Variants in SCFD2 observed in about 807,000 individuals in gnomAD.
SCFD2 encodes sec1 family domain-containing protein 2.
In SCFD2, 54 loss-of-function variants were observed where a neutral mutation model predicts 58.9. That is an observed-to-expected ratio of 0.92 (90% CI 0.74 to 1.15). The LOEUF (loss-of-function observed/expected upper bound fraction) is 1.15. Ranked by LOEUF, SCFD2 falls within the 50% of genes most tolerant of loss-of-function variation. The pLI, the probability that SCFD2 is intolerant of heterozygous loss-of-function variation, is 0.00. For synonymous variants in SCFD2, 321 were observed against 335.9 expected (o/e 0.96, Z 0.49); for missense variants, 805 against 836.6 (o/e 0.96, Z 0.47).
intron 5 of SCFD2, among the ~76,000 whole-genome samples, chr4:53,080,950 TA>T (rs1724129501): frequency 6.6e-6 from 1 of 152,188 alleles, no homozygotes; most frequent in Non-Finnish European, 1.5e-5. Context: ...TCTCAGATGT[TA>T]AAATTGGAAA....
chr4:53,176,561 T>A (rs1727336340), intron 4 of SCFD2, among the ~76,000 whole-genome samples: 1 of 152,214 alleles, frequency 6.6e-6, no homozygotes, highest in African/African-American at 2.4e-5. Flanking sequence ...AAGGAATAAC[T>A]ACCATGCTAA....
chr4:53,351,709 A>G (rs1332773562), intron 2 of SCFD2, among the ~76,000 whole-genome samples: 1 of 152,190 alleles, frequency 6.6e-6, no homozygotes, highest in Non-Finnish European at 1.5e-5. Flanking sequence ...AATGGACAAA[A>G]GTCTAGAACT....
At chr4:53,050,530 C>G (rs1277885995) in intron 5 of SCFD2, among the ~76,000 whole-genome samples, 1 of 152,152 alleles carries the variant, frequency 6.6e-6, no homozygotes, top group African/African-American at 2.4e-5. Flanking sequence ...CCCCTTGAAG[C>G]TGGAGAGTTT....
chr4:53,251,626 A>C (rs371621992), intron 4 of SCFD2, among the ~76,000 whole-genome samples: 89 of 152,218 alleles, frequency 5.8e-4, no homozygotes, highest in African/African-American at 1.6e-3. Flanking sequence ...GAACCAAAGA[A>C]AAAAACCACA....
intron 2 of SCFD2, among the ~76,000 whole-genome samples, chr4:53,318,049 T>A (rs1732916676): frequency 6.6e-6 from 1 of 152,198 alleles, no homozygotes; most frequent in South Asian, 2.1e-4. Context: ...ACAATCACTG[T>A]CAGCGACTTC....
chr4:53,087,450 C>T (rs1446739596), intron 5 of SCFD2, among the ~76,000 whole-genome samples: 1 of 152,160 alleles, frequency 6.6e-6, no homozygotes, highest in African/African-American at 2.4e-5. Flanking sequence ...TCTCCTGCCT[C>T]AGCCTCCCAA....
At chr4:53,090,650 A>G (rs1724442594) in intron 5 of SCFD2, among the ~76,000 whole-genome samples, 1 of 152,198 alleles carries the variant, frequency 6.6e-6, no homozygotes, top group African/African-American at 2.4e-5. Context: ...GTAACCATTC[A>G]TTCACTTATT....
chr4:53,321,319 C>T (rs1203674681), intron 2 of SCFD2, among the ~76,000 whole-genome samples: 1 of 151,978 alleles, frequency 6.6e-6, no homozygotes, highest in African/African-American at 2.4e-5. Flanking sequence ...TAGAAACTAA[C>T]AGGAAATATT....
At chr4:53,277,257 G>T (rs2149072634) in intron 3 of SCFD2, among the ~76,000 whole-genome samples, 1 of 152,248 alleles carries the variant, frequency 6.6e-6, no homozygotes, top group Non-Finnish European at 1.5e-5. Context: ...TTGTGCAAAT[G>T]ATTAACATTT....
At chr4:53,269,112 G>A (rs1275365996) in intron 4 of SCFD2, among the ~76,000 whole-genome samples, 1 of 152,014 alleles carries the variant, frequency 6.6e-6, no homozygotes, top group Admixed American at 6.6e-5. Flanking sequence ...TTGAGTCCAG[G>A]AGTTTGAGAC....
intron 5 of SCFD2, 121 bp downstream of exon 5, chr4:53,145,212 C>G: frequency 2.4e-6 from 3 of 1,241,580 alleles, no homozygotes; most frequent in South Asian, 1.4e-5. Context: ...CATCAGGCCT[C>G]ATGAAATTCC....
At chr4:53,313,193 A>G in intron 3 of SCFD2, among the ~76,000 whole-genome samples, 1 of 152,222 alleles carries the variant, frequency 6.6e-6, no homozygotes, top group East Asian at 1.9e-4. Context: ...GTGAGGGACT[A>G]GGCCAGACCA....
chr4:52,986,221 A>G lies in SCFD2; in HGVS notation c.1562-65351T>C, dbSNP rs1721488631. On this transcript the variant is annotated intron_variant, in intron 5 of 8. Transcript: ENST00000401642. Reference sequence around the variant, plus strand: ...CCCTGAGCAATTTAGAGGGGAAAAAAGGGTAAAGTTTTTTTTTTAATAGTC... The same window carrying G: ...CCCTGAGCAATTTAGAGGGGAAAAAGGGGTAAAGTTTTTTTTTTAATAGTC... 5.0e-5 allele frequency among the ~76,000 whole-genome samples: 3 copies of G among 60,466 alleles called. No homozygotes were observed. The South Asian group carries it at 1.8e-3, about 37-fold the overall frequency. 39.7% of individuals were successfully genotyped at this position (60,466 alleles called of 152,430 possible). A position where few individuals can be genotyped will look rare whatever the true frequency, so the allele number is the denominator to read the frequency against.
chr4:53,222,822 T>C (rs1729087648), intron 4 of SCFD2, among the ~76,000 whole-genome samples: 1 of 152,218 alleles, frequency 6.6e-6, no homozygotes, highest in Non-Finnish European at 1.5e-5. Context: ...TCCTATCTGG[T>C]TACTGTTATC....
At chr4:52,924,992 G>A (rs570931292) in intron 5 of SCFD2, among the ~76,000 whole-genome samples, 114 of 152,142 alleles carry the variant, frequency 7.5e-4, no homozygotes, top group African/African-American at 2.6e-3. Context: ...GTATATAAGC[G>A]CCAGTTGCTC....
chr4:53,011,118 T>C (rs1192837422), intron 5 of SCFD2, among the ~76,000 whole-genome samples: 1 of 152,202 alleles, frequency 6.6e-6, no homozygotes, highest in African/African-American at 2.4e-5. Flanking sequence ...CATCAGAATA[T>C]TATGTTTGCC....
intron 5 of SCFD2, among the ~76,000 whole-genome samples, chr4:53,127,963 C>T: frequency 7.0e-6 from 1 of 143,530 alleles, no homozygotes; most frequent in Non-Finnish European, 1.5e-5. Context: ...TTTTTTAGCC[C>T]AATCATGTGC....
rs757658747 is a variant in SCFD2 at position 53,258,577 on chromosome 4, T to TATATATATATATATATAC, written c.1311+15248_1311+15249insGTATATATATATATATAT. Among the ~76,000 whole-genome samples, 148 of 121,092 alleles carry TATATATATATATATATAC rather than the reference T, an allele frequency of 1.2e-3. No homozygotes were observed. The Middle Eastern group carries it at 0.013, about 11-fold the overall frequency. The allele number at this position is 121,092 out of a possible 152,430, so 79.4% of individuals were successfully genotyped here. A position where few individuals can be genotyped will look rare whatever the true frequency, so the allele number is the denominator to read the frequency against. On this transcript the variant is annotated intron_variant, in intron 4 of 8. Coordinates refer to ENST00000401642, the MANE Select transcript of SCFD2 (RefSeq NM_152540.4). Reference sequence around the variant, plus strand: ...ATATATATATATATATATATATATATACACACACATATATACATAACACAT... The same window carrying TATATATATATATATATAC: ...ATATATATATATATATATATATATATATATATATATATATATACACACACACATATATACATAACACAT...
chr4:53,157,819 G>A (rs1726734994), intron 4 of SCFD2, among the ~76,000 whole-genome samples: 2 of 152,116 alleles, frequency 1.3e-5, no homozygotes, highest in African/African-American at 4.8e-5. Flanking sequence ...TCTCTCCACA[G>A]CTGAAATACA....
Sources: gnomAD v4.1 joint callset for allele counts (sites outside exome capture counted in the v4.1 genomes callset) on GRCh38, gnomAD v4.1.1 for gene constraint, MANE v1.5 for transcripts, NCBI Gene and HGNC (gene_info 2026-07-23, HGNC 2026-07-21) for gene names.